Variants in TG observed in about 807,000 individuals in gnomAD.
TG encodes the protein thyroid hormones.
A neutral mutation model predicts 324.7 loss-of-function variants in TG; 270 were observed. That is an observed-to-expected ratio of 0.83 (90% CI 0.75 to 0.92). The LOEUF (loss-of-function observed/expected upper bound fraction) is 0.92, where lower values mean the gene tolerates loss of function less well. Ranked by LOEUF, TG falls within the 40% of genes least tolerant of loss-of-function variation. The pLI is 0.00. For missense variants in TG, 3,591 were observed against 3,456.4 expected, an observed-to-expected ratio of 1.04 and a Z score of -0.98; for synonymous variants, 1,401 against 1,327.0, an observed-to-expected ratio of 1.06 and a Z score of -1.21.
intron 34 of TG, among the ~76,000 whole-genome samples, chr8:132,974,245 C>T (rs1050075248): frequency 2.0e-5 from 3 of 152,088 alleles, no homozygotes; most frequent in Admixed American, 6.5e-5. Context: ...CCACCCGCCT[C>T]GGCCTCCCAA....
intron 44 of TG, among the ~76,000 whole-genome samples, chr8:133,114,836 C>T (rs1241097246): frequency 6.6e-6 from 1 of 152,186 alleles, no homozygotes; most frequent in Non-Finnish European, 1.5e-5. Flanking sequence ...AGACCCACTG[C>T]CCTGCTTGGT....
intron 26 of TG, among the ~76,000 whole-genome samples, chr8:132,944,206 C>T (rs1014502939): frequency 1.3e-5 from 2 of 152,196 alleles, no homozygotes; most frequent in African/African-American, 2.4e-5. Flanking sequence ...CTGTTGCTCT[C>T]TTATTATTTT....
rs531075877 is a variant in TG, at chr8:132,890,984, T to A, written c.2761+2416T>A. On this transcript the variant is annotated intron_variant, in intron 10 of 47. Transcript: ENST00000220616. ...GAAGACAGTCAGGTGAAGGATGGTG[T>A]CTGCTCTGAGAAGCTCAGAGACCAG... Among the ~76,000 whole-genome samples the A allele has an allele frequency of 2.6e-4, 40 of 152,290 alleles. 1 individual carries two copies. The highest frequency in any genetic ancestry group is 1.2e-3 in the East Asian group (6 of 5,176).
intron 35 of TG, among the ~76,000 whole-genome samples, chr8:133,005,067 G>A (rs1021593638): frequency 1.3e-5 from 2 of 152,234 alleles, no homozygotes; most frequent in East Asian, 3.8e-4. Context: ...GTGTACGAGT[G>A]AAAAGGAGCA....
At position 132,888,375 on chromosome 8, in the gene TG, G is replaced by A. The variant is rs186434712; in HGVS notation, c.2568G>A (p.Gln856=). ...PLAALEGKRP[Q]PRENILLEPY... ...CAGCACTGGAAGGGAAACGGCCCCAGCCCAGGGAGAATATCCTCCTGGAGC... is the reference window on the plus strand; with the variant it reads ...CAGCACTGGAAGGGAAACGGCCCCAACCCAGGGAGAATATCCTCCTGGAGC... The change falls in exon 10 of 48, where the codon CAG becomes CAA. Residue 856 remains glutamine, a synonymous_variant. Transcript: ENST00000220616. The A allele has an allele frequency of 3.1e-6, 5 of 1,614,202 alleles. No homozygotes were observed. The highest frequency in any genetic ancestry group is 4.2e-6 in the Non-Finnish European group (5 of 1,180,036).
intron 4 of TG, among the ~76,000 whole-genome samples, chr8:132,871,976 G>A (rs186368890): frequency 6.6e-6 from 1 of 152,210 alleles, no homozygotes; most frequent in Non-Finnish European, 1.5e-5. Flanking sequence ...TCTTGACCCC[G>A]AGCAGGCCTA....
At chr8:133,127,626 C>T (rs557254069) in intron 45 of TG, among the ~76,000 whole-genome samples, 17 of 152,230 alleles carry the variant, frequency 1.1e-4, no homozygotes, top group Admixed American at 7.2e-4. Flanking sequence ...TGGTCTAGGC[C>T]GTCACACCTT....
intron 41 of TG, among the ~76,000 whole-genome samples, chr8:133,073,438 C>A (rs905552849): frequency 6.6e-6 from 1 of 152,140 alleles, no homozygotes; most frequent in Non-Finnish European, 1.5e-5. Context: ...TCACTGCAAC[C>A]TGCAACCTCC....
intron 43 of TG, chr8:133,106,514 C>T (rs1374472671): frequency 2.1e-6 from 2 of 965,068 alleles, no homozygotes; most frequent in East Asian, 1.1e-4. Flanking sequence ...GCCCTCTGTT[C>T]TTTCTGGCTT....
Position 132,973,520 on chromosome 8 carries a change from A to C in TG, c.6199+779A>C, listed in dbSNP as rs555812864. Among the ~76,000 whole-genome samples, 134 of 152,272 alleles carry C rather than the reference A, an allele frequency of 8.8e-4. 2 individuals are homozygous for C. Among genetic ancestry groups the C allele is most frequent in the African/African-American group, 3.1e-3 (128 of 41,524 alleles). On this transcript the variant is annotated intron_variant, in intron 34 of 47. Transcript: ENST00000220616. ...AGCTCCTGGACTCAGATAAGGAGAC[A>C]TTAGGTTTGTTCCAACTCTGCCATC...
chr8:133,028,371 T>C (rs930998227), intron 40 of TG, among the ~76,000 whole-genome samples: 3 of 152,200 alleles, frequency 2.0e-5, no homozygotes, highest in Non-Finnish European at 4.4e-5. Flanking sequence ...ACAAAATGCA[T>C]TTGAAGAACT....
chr8:133,132,289 G>A (rs1283744616), intron 46 of TG, among the ~76,000 whole-genome samples: 1 of 152,190 alleles, frequency 6.6e-6, no homozygotes, highest in Non-Finnish European at 1.5e-5. Flanking sequence ...GCCTCTAGAT[G>A]TCCACCAGAT....
chr8:133,098,461 TG>T (rs1848765165), intron 43 of TG, among the ~76,000 whole-genome samples: 1 of 152,122 alleles, frequency 6.6e-6, no homozygotes, highest in Non-Finnish European at 1.5e-5. Flanking sequence ...GGGATGGAGC[TG>T]GCCATTGACC....
At chr8:133,049,248 G>C in intron 41 of TG, 1 of 427,226 alleles carries the variant, frequency 2.3e-6, no homozygotes, top group Non-Finnish European at 4.7e-6. Context: ...GATATCTCTT[G>C]TTTATCTTAC....
In TG at chr8:132,905,740, G is replaced by T. The variant is rs6994282; in HGVS notation, c.3635-948G>T. On this transcript the variant is annotated intron_variant, in intron 16 of 47. Transcript: ENST00000220616. The stretch of plus-strand genomic sequence containing the variant: ...GTGACCAGCATGCCACTGATTAGAG[G>T]TTCTAACAATTGACAAAAGGAAGGT... 8.9e-3 allele frequency among the ~76,000 whole-genome samples: 1,351 copies of T among 152,248 alleles called. 9 individuals carry two copies. Among genetic ancestry groups the T allele is most frequent in the Middle Eastern group, 0.017 (5 of 294 alleles).
intron 24 of TG, among the ~76,000 whole-genome samples, chr8:132,935,360 T>TCAGG (rs1563974828): frequency 6.6e-6 from 1 of 151,924 alleles, no homozygotes; most frequent in African/African-American, 2.4e-5. Flanking sequence ...GTCAGGCTGG[T>TCAGG]CTTGAACTCT....
chr8:132,881,619 G>A (rs778213801), intron 5 of TG, among the ~76,000 whole-genome samples: 46 of 152,302 alleles, frequency 3.0e-4, no homozygotes, highest in Non-Finnish European at 5.7e-4. Flanking sequence ...TGAGGAAAAC[G>A]GCTAATTGTT....
At chr8:133,026,689 A>G (rs1836115375) in intron 40 of TG, among the ~76,000 whole-genome samples, 1 of 152,124 alleles carries the variant, frequency 6.6e-6, no homozygotes, top group Non-Finnish European at 1.5e-5. Context: ...TGCCAACGGT[A>G]ACCACACATG....
intron 35 of TG, among the ~76,000 whole-genome samples, chr8:133,009,304 CATGAAA>C (rs1441518046): frequency 2.0e-5 from 3 of 152,126 alleles, no homozygotes; most frequent in African/African-American, 7.2e-5. Context: ...TTATATTGAC[CATGAAA>C]ATAGCAACAT....
Sources: gnomAD v4.1 joint callset for allele counts (sites outside exome capture counted in the v4.1 genomes callset) on GRCh38, gnomAD v4.1.1 for gene constraint, MANE v1.5 for transcripts, NCBI Gene and HGNC (gene_info 2026-07-23, HGNC 2026-07-21) for gene names.